Variants in CPEB3 observed in about 807,000 individuals in gnomAD.
CPEB3 encodes the protein cytoplasmic polyadenylation element binding protein 3.
In CPEB3, 20 loss-of-function variants were observed where a neutral mutation model predicts 67.2. That is an observed-to-expected ratio of 0.30 (90% CI 0.21 to 0.43). The LOEUF (loss-of-function observed/expected upper bound fraction) is 0.43, where lower values mean the gene tolerates loss of function less well. Among genes scored for constraint, CPEB3 ranks in the 20% least tolerant of loss-of-function variants. The probability of loss-of-function intolerance (pLI) is 1.00; values close to 1 mark genes in which losing one functional copy is unlikely to be tolerated. For synonymous variants in CPEB3, 376 were observed against 393.1 expected (o/e 0.96, Z 0.51); for missense variants, 746 against 968.6 (o/e 0.77, Z 3.05).
intron 2 of CPEB3, among the ~76,000 whole-genome samples, chr10:92,198,278 T>C (rs1849337055): frequency 6.6e-6 from 1 of 152,166 alleles, no homozygotes; most frequent in Non-Finnish European, 1.5e-5. Context: ...CTCTCTAGCC[T>C]TACATCCTTT....
intron 4 of CPEB3, among the ~76,000 whole-genome samples, chr10:92,159,302 T>C (rs72807242): frequency 0.13 from 19,196 of 151,666 alleles, 1,389 homozygotes; most frequent in Middle Eastern, 0.21. Context: ...CTGTGAAATG[T>C]CACACAACTA....
chr10:92,215,739 C>CTTTTTTTTTTTTTTT (rs373522649), intron 2 of CPEB3, among the ~76,000 whole-genome samples: 1 of 99,916 alleles, frequency 1.0e-5, no homozygotes, highest in Non-Finnish European at 1.9e-5. Context: ...TGGCGCCTGG[C>CTTTTTTTTTTTTTTT]TTTTTTTTTT....
chr10:92,176,862 A>G (rs1233049395), intron 4 of CPEB3, among the ~76,000 whole-genome samples: 1 of 152,264 alleles, frequency 6.6e-6, no homozygotes, highest in African/African-American at 2.4e-5. Flanking sequence ...AACTTGTCGA[A>G]CCTGCGTCCC....
At chr10:92,232,609 T>A (rs1278817634) in intron 2 of CPEB3, among the ~76,000 whole-genome samples, 1 of 151,586 alleles carries the variant, frequency 6.6e-6, no homozygotes, top group African/African-American at 2.4e-5. Flanking sequence ...ATACAAAAAA[T>A]TAGCCGGGCA....
At chr10:92,142,142 C>T (rs1361926045) in intron 6 of CPEB3, among the ~76,000 whole-genome samples, 1 of 151,284 alleles carries the variant, frequency 6.6e-6, no homozygotes, top group Non-Finnish European at 1.5e-5. Flanking sequence ...GACAATGAAA[C>T]CTAACAAACC....
chr10:92,271,587 T>C (rs987185387), intron 1 of CPEB3, among the ~76,000 whole-genome samples: 2 of 152,206 alleles, frequency 1.3e-5, no homozygotes, highest in African/African-American at 4.8e-5. Flanking sequence ...ACTTAGGTCA[T>C]ACATATATTT....
chr10:92,079,184 C>T lies in CPEB3; in HGVS notation c.1869+2136G>A, dbSNP rs1023648585. ...ATGTAATGGAATCTGGTATATGACT[C>T]GCAAATGTACAGGCACAAGCACGTC... On this transcript the variant is annotated intron_variant, in intron 9 of 9. Coordinates refer to ENST00000265997, the MANE Select transcript of CPEB3 (RefSeq NM_014912.5). 7.9e-5 allele frequency among the ~76,000 whole-genome samples: 12 copies of T among 152,210 alleles called. 1 individual carries two copies. The highest frequency in any genetic ancestry group is 4.1e-4 in the South Asian group (2 of 4,826).
chr10:92,282,446 T>G lies in CPEB3; in HGVS notation c.-12+8480A>C, dbSNP rs138665146. On this transcript the variant is annotated intron_variant, in intron 1 of 9. Transcript: ENST00000265997. The stretch of plus-strand genomic sequence containing the variant: ...GGCTCACGCCTGTAATCCCAGCACT[T>G]TGGGAGGCCAAGGCAGGTGGATCAC... 5.8e-3 allele frequency among the ~76,000 whole-genome samples: 877 copies of G among 152,256 alleles called. 5 individuals carry two copies. Among genetic ancestry groups the G allele is most frequent in the Non-Finnish European group, 8.1e-3 (550 of 68,012 alleles).
chr10:92,244,828 C>T (rs1851994475), intron 1 of CPEB3, among the ~76,000 whole-genome samples: 1 of 152,116 alleles, frequency 6.6e-6, no homozygotes, highest in African/African-American at 2.4e-5. Flanking sequence ...TTAAAATCAA[C>T]TGCTATTATC....
chr10:92,127,398 T>C (rs1394120302), intron 6 of CPEB3, among the ~76,000 whole-genome samples: 1 of 152,008 alleles, frequency 6.6e-6, no homozygotes, highest in Non-Finnish European at 1.5e-5. Flanking sequence ...GGGGAAGGCC[T>C]GGTGTGGTGG....
chr10:92,175,518 G>C (rs889432598), intron 4 of CPEB3, among the ~76,000 whole-genome samples: 5 of 152,032 alleles, frequency 3.3e-5, no homozygotes, highest in Admixed American at 6.6e-5. Context: ...CTGTCAAATT[G>C]TTTTCCAAAG....
At chr10:92,097,069 G>A (rs1374477695) in intron 7 of CPEB3, among the ~76,000 whole-genome samples, 1 of 152,192 alleles carries the variant, frequency 6.6e-6, no homozygotes, top group Admixed American at 6.5e-5. Flanking sequence ...CAGACAGGTA[G>A]TGCAAATGTC....
intron 4 of CPEB3, among the ~76,000 whole-genome samples, chr10:92,161,210 T>C (rs1847458040): frequency 6.6e-6 from 1 of 152,124 alleles, no homozygotes; most frequent in Non-Finnish European, 1.5e-5. Context: ...ATGGGATAGG[T>C]AGCCAATATC....
At chr10:92,062,058 A>G (rs1332331090) in intron 9 of CPEB3, among the ~76,000 whole-genome samples, 1 of 152,154 alleles carries the variant, frequency 6.6e-6, no homozygotes, top group Non-Finnish European at 1.5e-5. Context: ...TCTGGTTAAC[A>G]TGGTGAAACC....
intron 1 of CPEB3, among the ~76,000 whole-genome samples, chr10:92,255,781 T>C (rs1852489655): frequency 6.6e-6 from 1 of 152,248 alleles, no homozygotes; most frequent in East Asian, 1.9e-4. Context: ...TCCATTTTCA[T>C]TTAAGATACT....
At chr10:92,230,374 TG>T (rs1851211531) in intron 2 of CPEB3, among the ~76,000 whole-genome samples, 1 of 152,236 alleles carries the variant, frequency 6.6e-6, no homozygotes, top group Non-Finnish European at 1.5e-5. Flanking sequence ...CTTCCCTTTG[TG>T]TGTATTAATT....
intron 2 of CPEB3, among the ~76,000 whole-genome samples, chr10:92,237,047 A>C (rs1288697781): frequency 6.6e-6 from 1 of 152,250 alleles, no homozygotes; most frequent in Non-Finnish European, 1.5e-5. Context: ...CATCGAAACC[A>C]CTTAAGATAT....
chr10:92,086,973 G>C (rs1843400531), intron 8 of CPEB3, among the ~76,000 whole-genome samples: 1 of 152,142 alleles, frequency 6.6e-6, no homozygotes, highest in Admixed American at 6.5e-5. Flanking sequence ...AACCCATACT[G>C]AACTTAGGAC....
intron 7 of CPEB3, among the ~76,000 whole-genome samples, chr10:92,106,116 C>T (rs2133434345): frequency 6.6e-6 from 1 of 152,186 alleles, no homozygotes; most frequent in African/African-American, 2.4e-5. Flanking sequence ...TGGTCTCGAA[C>T]TCCTGACCTC....
Sources: allele counts gnomAD v4.1 joint callset (sites outside exome capture counted in the v4.1 genomes callset), GRCh38; gene constraint gnomAD v4.1.1; transcripts MANE v1.5; gene names NCBI Gene and HGNC (gene_info 2026-07-23, HGNC 2026-07-21).